TMEM217B: variants seen among roughly 807,000 people sequenced by gnomAD.
The protein encoded by TMEM217B is transmembrane protein 217B.
chr6:37,245,678 A>G, the TMEM217B span, among the ~76,000 whole-genome samples: 2 of 152,208 alleles, frequency 1.3e-5, no homozygotes, highest in Non-Finnish European at 2.9e-5. Context: ...AACAGTGACA[A>G]TAAGGAAGAG....
chr6:37,214,694 G>A, the TMEM217B span, among the ~76,000 whole-genome samples: 1 of 152,052 alleles, frequency 6.6e-6, no homozygotes, highest in African/African-American at 2.4e-5. Context: ...TTTGTCCTTC[G>A]GTATCTGGCT....
chr6:37,235,000 C>T, the TMEM217B span, among the ~76,000 whole-genome samples: 1 of 151,842 alleles, frequency 6.6e-6, no homozygotes, highest in African/African-American at 2.4e-5. Context: ...TAAATAAATC[C>T]CACTGGCTAC....
chr6:37,250,378 G>A, the TMEM217B span, among the ~76,000 whole-genome samples: 1 of 152,098 alleles, frequency 6.6e-6, no homozygotes. Flanking sequence ...TAATCAAACT[G>A]TGCATATTAG....
the TMEM217B span, among the ~76,000 whole-genome samples, chr6:37,228,408 A>G: frequency 6.6e-6 from 1 of 152,236 alleles, no homozygotes; most frequent in South Asian, 2.1e-4. Flanking sequence ...CTCCATCTCA[A>G]AAAATAATAA....
the TMEM217B span, among the ~76,000 whole-genome samples, chr6:37,256,118 T>C: frequency 6.6e-6 from 1 of 152,182 alleles, no homozygotes; most frequent in African/African-American, 2.4e-5. Flanking sequence ...TTCTGGAACA[T>C]CTCTAAAGCC....
At chr6:37,230,726 T>C in the TMEM217B span, among the ~76,000 whole-genome samples, 3,867 of 152,264 alleles carry the variant, frequency 0.025, 88 homozygotes, top group Non-Finnish European at 0.042. Context: ...CTCTGTGATA[T>C]GTAGTTATAG....
At chr6:37,224,615 G>GA in the TMEM217B span, among the ~76,000 whole-genome samples, 119,506 of 149,460 alleles carry the variant, frequency 0.8, 48,093 homozygotes, top group East Asian at 0.9. Flanking sequence ...ACAAACAAAC[G>GA]AAAAAAAAAC....
chr6:37,251,252 A>G, the TMEM217B span, among the ~76,000 whole-genome samples: 5 of 152,262 alleles, frequency 3.3e-5, no homozygotes, highest in Admixed American at 2.0e-4. Context: ...AGGGAGGCAC[A>G]TCTCACATAT....
At chr6:37,238,437 T>A in the TMEM217B span, among the ~76,000 whole-genome samples, 80 of 152,222 alleles carry the variant, frequency 5.3e-4, no homozygotes, top group Non-Finnish European at 9.1e-4. Context: ...CCTTCTTTGC[T>A]ACCAGAAGTC....
At chr6:37,239,553 A>G in the TMEM217B span, among the ~76,000 whole-genome samples, 1 of 152,298 alleles carries the variant, frequency 6.6e-6, no homozygotes, top group Non-Finnish European at 1.5e-5. Flanking sequence ...GCATAGTGTA[A>G]TTAATGATAT....
At chr6:37,219,982 T>C in the TMEM217B span, among the ~76,000 whole-genome samples, 5 of 152,120 alleles carry the variant, frequency 3.3e-5, no homozygotes, top group African/African-American at 1.2e-4. Context: ...TTAAAGGAAA[T>C]TTAGAGCCCT....
the TMEM217B span, chr6:37,257,839 C>T: frequency 1.9e-5 from 29 of 1,519,116 alleles, no homozygotes; most frequent in East Asian, 5.2e-4. Flanking sequence ...CCTGGGTTGG[C>T]CCTCAGATTG....
chr6:37,257,902 T>G, the TMEM217B span: 1 of 1,612,788 alleles, frequency 6.2e-7, no homozygotes, highest in East Asian at 2.2e-5. Flanking sequence ...TACAAGGACT[T>G]CCCCCGGCCA....
the TMEM217B span, among the ~76,000 whole-genome samples, chr6:37,248,976 C>G: frequency 6.6e-6 from 1 of 152,148 alleles, no homozygotes; most frequent in Non-Finnish European, 1.5e-5. Context: ...CCAGGTATTC[C>G]TTGGCTTGTG....
chr6:37,257,888 C>A, the TMEM217B span: 1 of 1,610,694 alleles, frequency 6.2e-7, no homozygotes, highest in Non-Finnish European at 8.5e-7. Context: ...ACCCTTGGCC[C>A]GCCTACAAGG....
the TMEM217B span, among the ~76,000 whole-genome samples, chr6:37,229,698 C>T: frequency 6.6e-6 from 1 of 152,158 alleles, no homozygotes; most frequent in South Asian, 2.1e-4. Flanking sequence ...TTATTTGGCT[C>T]ATTCTAAGTT....
the TMEM217B span, chr6:37,218,762 A>G: frequency 1.3e-5 from 21 of 1,614,078 alleles, no homozygotes; most frequent in East Asian, 4.7e-4. Flanking sequence ...GCCCCTGAAG[A>G]TCTGGGCATA....
At chr6:37,245,238 AC>A in the TMEM217B span, among the ~76,000 whole-genome samples, 260 of 152,350 alleles carry the variant, frequency 1.7e-3, 2 homozygotes, top group Admixed American at 5.9e-3. Context: ...GGTAGCCCCA[AC>A]ATCATAACAC....
chr6:37,232,435 G>C, the TMEM217B span, among the ~76,000 whole-genome samples: 2 of 152,160 alleles, frequency 1.3e-5, no homozygotes, highest in African/African-American at 4.8e-5. Context: ...GCCCAGGCTG[G>C]AGTGCAGTGG....
Sources: gnomAD v4.1 joint callset for allele counts (sites outside exome capture counted in the v4.1 genomes callset) on GRCh38, gnomAD v4.1.1 for gene constraint, MANE v1.5 for transcripts, NCBI Gene and HGNC (gene_info 2026-07-23, HGNC 2026-07-21) for gene names.